Variants in TRPM8 observed in about 807,000 individuals in gnomAD.
The protein encoded by TRPM8 is TRPM8 cationic channel.
Under a neutral mutation model 133.7 loss-of-function variants are expected in TRPM8, and 110 were observed. The observed-to-expected ratio is 0.82, with a 90% confidence interval of 0.70 to 0.96. The LOEUF is 0.96. Among genes scored for constraint, TRPM8 ranks in the 40% least tolerant of loss-of-function variants. The pLI, the probability that TRPM8 is intolerant of heterozygous loss-of-function variation, is 0.00. For synonymous variants in TRPM8, 535 were observed against 532.3 expected, an observed-to-expected ratio of 1.01 and a Z score of -0.07; for missense variants, 1,291 against 1,379.5, an observed-to-expected ratio of 0.94 and a Z score of 1.02.
chr2:233,926,928 C>T (rs1691529763), intron 2 of TRPM8, among the ~76,000 whole-genome samples: 1 of 152,242 alleles, frequency 6.6e-6, no homozygotes. Flanking sequence ...TCTCCTGGTT[C>T]CAGGCCAGCT....
At chr2:233,959,248 A>G (rs1017222828) in intron 11 of TRPM8, among the ~76,000 whole-genome samples, 1 of 150,748 alleles carries the variant, frequency 6.6e-6, no homozygotes, top group African/African-American at 2.4e-5. Context: ...CTGGTCTCGA[A>G]CTCCTGACCT....
chr2:234,007,649 C>G (rs766048655), intron 23 of TRPM8, among the ~76,000 whole-genome samples: 35 of 152,302 alleles, frequency 2.3e-4, no homozygotes, highest in Middle Eastern at 3.4e-3. Context: ...TTCACTCTAA[C>G]AAAATATGAG....
At chr2:234,005,679 G>A (rs1190291851) in intron 22 of TRPM8, among the ~76,000 whole-genome samples, 1 of 152,170 alleles carries the variant, frequency 6.6e-6, no homozygotes, top group Non-Finnish European at 1.5e-5. Flanking sequence ...GGGAGGCCGA[G>A]GCAGGTAAAC....
intron 11 of TRPM8, among the ~76,000 whole-genome samples, chr2:233,959,445 G>T (rs1012132707): frequency 6.6e-6 from 1 of 150,940 alleles, no homozygotes; most frequent in Non-Finnish European, 1.5e-5. Context: ...TGGGATTAGA[G>T]GCACCTGCCA....
In TRPM8 at chr2:233,939,177, T is replaced by A. The variant is rs778621258; in HGVS notation, c.526+2T>A. The stretch of plus-strand genomic sequence containing the variant: ...TCATCTACATCGCGCAGTCCAAAGG[T>A]GAGGGTGGGAGCAGCGACCGCGGGT... On this transcript the variant is annotated splice_donor_variant, in intron 5 of 25. Transcript: ENST00000324695. LOFTEE classifies it high-confidence loss of function. The A allele has an allele frequency of 1.9e-6, 3 of 1,613,034 alleles. No homozygotes were observed. Among genetic ancestry groups the A allele is most frequent in the Non-Finnish European group, 2.5e-6 (3 of 1,179,496 alleles).
chr2:234,002,319 G>A (rs796338086), intron 22 of TRPM8, among the ~76,000 whole-genome samples: 1 of 151,982 alleles, frequency 6.6e-6, no homozygotes, highest in Non-Finnish European at 1.5e-5. Flanking sequence ...GGCTTGGACT[G>A]TATCCTACAG....
At chr2:233,974,584 G>A (rs1415375772) in intron 17 of TRPM8, among the ~76,000 whole-genome samples, 1 of 152,142 alleles carries the variant, frequency 6.6e-6, no homozygotes, top group Non-Finnish European at 1.5e-5. Context: ...AGGGCAGCCC[G>A]CTGGTTCCTG....
At chr2:234,005,836 A>G (rs1266476046) in intron 22 of TRPM8, among the ~76,000 whole-genome samples, 1 of 151,478 alleles carries the variant, frequency 6.6e-6, no homozygotes, top group Admixed American at 6.6e-5. Context: ...GCTTGAACCT[A>G]GGAGGCTGAG....
intron 12 of TRPM8, among the ~76,000 whole-genome samples, chr2:233,962,983 G>C (rs767927470): frequency 3.3e-5 from 5 of 152,206 alleles, no homozygotes; most frequent in Non-Finnish European, 5.9e-5. Flanking sequence ...TGATGAGAAG[G>C]AATTGCCTTC....
At chr2:233,927,860 CTCTT>C (rs1176809297) in intron 2 of TRPM8, among the ~76,000 whole-genome samples, 657 of 24,054 alleles carry the variant, frequency 0.027, 58 homozygotes, top group Middle Eastern at 0.056. Flanking sequence ...TCCTTTCTTT[CTCTT>C]TCTTTCTTTC....
At chr2:233,932,626 T>A (rs924438579) in intron 3 of TRPM8, among the ~76,000 whole-genome samples, 1 of 151,924 alleles carries the variant, frequency 6.6e-6, no homozygotes, top group Non-Finnish European at 1.5e-5. Flanking sequence ...CAGTGCTTGA[T>A]TACAGCTCAA....
At position 233,963,277 on chromosome 2, in the gene TRPM8, C is replaced by G; in HGVS notation, c.1654-5C>G. Reference sequence around the variant, plus strand: ...ACATGCTGACCACATGCTCTAACCCCCCAGGACGTGTCTCCTATTACTCGG... The same window carrying G: ...ACATGCTGACCACATGCTCTAACCCGCCAGGACGTGTCTCCTATTACTCGG... On this transcript the variant is annotated splice_region_variant and splice_polypyrimidine_tract_variant and intron_variant, in intron 12 of 25. Coordinates refer to ENST00000324695, the MANE Select transcript of TRPM8 (RefSeq NM_024080.5). The G allele has an allele frequency of 6.2e-7, 1 of 1,607,764 alleles. No individual in the cohort carries two copies. The highest frequency in any genetic ancestry group is 8.5e-7 in the Non-Finnish European group (1 of 1,174,764).
intron 22 of TRPM8, among the ~76,000 whole-genome samples, chr2:234,006,167 C>A (rs571524297): frequency 1.3e-5 from 2 of 152,210 alleles, no homozygotes; most frequent in East Asian, 3.9e-4. Context: ...GCTCTCTTGT[C>A]CCCGTGAATT....
chr2:233,934,856 GT>G (rs1691757973), intron 3 of TRPM8, among the ~76,000 whole-genome samples: 1 of 152,192 alleles, frequency 6.6e-6, no homozygotes, highest in Admixed American at 6.5e-5. Context: ...CTCCTATTGT[GT>G]TTTTAGAAAA....
chr2:234,003,215 C>T (rs757886727), intron 22 of TRPM8, among the ~76,000 whole-genome samples: 18 of 152,146 alleles, frequency 1.2e-4, no homozygotes, highest in Admixed American at 3.9e-4. Context: ...AATGTATTCA[C>T]GACCCCGAAC....
rs192642474 is a variant in TRPM8 at position 234,015,587 on chromosome 2, T to C, written c.*42+933T>C. 1.1e-3 allele frequency among the ~76,000 whole-genome samples: 173 copies of C among 152,232 alleles called. 1 individual carries two copies. Among genetic ancestry groups the C allele is most frequent in the Non-Finnish European group, 1.4e-3 (95 of 68,012 alleles). ...TGGGGTGATTGTGCTATAGGGGAAA[T>C]CATGTTGCATTAGGTTCCTTTCAAT... On this transcript the variant is annotated intron_variant, in intron 25 of 25. Coordinates refer to ENST00000324695, the MANE Select transcript of TRPM8 (RefSeq NM_024080.5).
intron 1 of TRPM8, among the ~76,000 whole-genome samples, chr2:233,920,092 G>A (rs981663397): frequency 2.6e-5 from 4 of 152,150 alleles, no homozygotes; most frequent in Non-Finnish European, 5.9e-5. Flanking sequence ...TCATGCTCTT[G>A]AGGTGGGGCC....
chr2:234,000,394 CCA>C (rs1468284159), intron 22 of TRPM8, among the ~76,000 whole-genome samples: 5 of 152,164 alleles, frequency 3.3e-5, no homozygotes, highest in Admixed American at 1.3e-4. Context: ...CAGGCATGAG[CCA>C]CTGCGCCCTG....
intron 11 of TRPM8, 22 bp downstream of exon 11, chr2:233,955,272 G>C: frequency 1.3e-6 from 2 of 1,586,030 alleles, no homozygotes; most frequent in Non-Finnish European, 1.7e-6. Context: ...GCTCTCCTGG[G>C]TTATTCCAGT....
Sources: gnomAD v4.1 joint callset for allele counts (sites outside exome capture counted in the v4.1 genomes callset) on GRCh38, gnomAD v4.1.1 for gene constraint, MANE v1.5 for transcripts, NCBI Gene and HGNC (gene_info 2026-07-23, HGNC 2026-07-21) for gene names.